NDUFA10: variants seen among roughly 807,000 people sequenced by gnomAD.
NDUFA10 encodes the protein NADH:ubiquinone oxidoreductase subunit A10.
In NDUFA10, 40 loss-of-function variants were observed where a neutral mutation model predicts 47.8. The ratio of observed to expected loss-of-function variants is 0.84; its 90% CI spans 0.65 to 1.09. The LOEUF is 1.09. NDUFA10 is among the 50% of genes least tolerant of loss of function. The pLI is 0.00. For synonymous variants in NDUFA10, 183 were observed against 172.2 expected (o/e 1.06, Z -0.49); for missense variants, 413 against 451.1 (o/e 0.92, Z 0.76).
At chr2:239,949,938 T>A (rs1694523692) in intron 4 of NDUFA10, among the ~76,000 whole-genome samples, 1 of 152,158 alleles carries the variant, frequency 6.6e-6, no homozygotes, top group African/African-American at 2.4e-5. Flanking sequence ...TGGGTCCTGG[T>A]CTCAGGAGAG....
intron 8 of NDUFA10, among the ~76,000 whole-genome samples, chr2:239,994,998 G>A (rs1210999836): frequency 1.3e-5 from 2 of 152,182 alleles, no homozygotes; most frequent in Admixed American, 1.3e-4. Context: ...GAAGAGGCCG[G>A]GTGCGGCGAC....
In NDUFA10 at chr2:240,025,314, A is replaced by T; in HGVS notation, c.-13T>A. The T allele has an allele frequency of 6.7e-7, 1 of 1,498,890 alleles. No individual in the cohort carries two copies. The highest frequency in any genetic ancestry group is 2.2e-5 in the Admixed American group (1 of 44,648). 92.8% of individuals were successfully genotyped at this position (1,498,890 alleles called of 1,614,324 possible). A position where few individuals can be genotyped will look rare whatever the true frequency, so the allele number is the denominator to read the frequency against. On this transcript the variant is annotated 5_prime_UTR_variant, in exon 1 of 10. Transcript: ENST00000252711. ...GCCGCAAGGCCATGGCTACCCGGTC[A>T]GCTCAGGATCAAGGACCCAAGGGGA...
chr2:239,931,936 C>T (rs1056813467), intron 4 of NDUFA10, among the ~76,000 whole-genome samples: 41 of 147,596 alleles, frequency 2.8e-4, no homozygotes, highest in African/African-American at 8.3e-4. Flanking sequence ...CCCGGGTTCA[C>T]GCCATTCTCC....
intron 5 of NDUFA10, among the ~76,000 whole-genome samples, chr2:239,893,546 C>T (rs1359843573): frequency 3.3e-5 from 5 of 152,186 alleles, no homozygotes; most frequent in African/African-American, 7.2e-5. Context: ...GGCTGATCTC[C>T]GCAGCCCTAT....
At chr2:239,996,187 C>T (rs1025210837) in intron 8 of NDUFA10, among the ~76,000 whole-genome samples, 2 of 152,162 alleles carry the variant, frequency 1.3e-5, no homozygotes, top group African/African-American at 2.4e-5. Context: ...TGAATACCAC[C>T]GTCAATCGGC....
At chr2:239,942,257 C>G (rs756642586) in intron 4 of NDUFA10, among the ~76,000 whole-genome samples, 1 of 152,240 alleles carries the variant, frequency 6.6e-6, no homozygotes, top group Non-Finnish European at 1.5e-5. Flanking sequence ...CGGTAGTGTG[C>G]GCTGCAATCA....
Position 239,898,960 on chromosome 2 carries a change from GC to G in NDUFA10, c.295-3647del, listed in dbSNP as rs1559259162. ...TGACGGAGGGGTGTGGAGGGGTGTG[GC>G]AGGGTGTGATGAAGAGGTATGATGG... On this transcript the variant is annotated intron_variant, in intron 4 of 5. Coordinates refer to the NDUFA10 transcript ENST00000419408. 1.2e-4 allele frequency among the ~76,000 whole-genome samples: 13 copies of G among 111,068 alleles called. 1 individual carries two copies. The highest frequency in any genetic ancestry group is 1.7e-4 in the Non-Finnish European group (8 of 45,962). The allele number at this position is 111,068 out of a possible 152,430, so 72.9% of individuals were successfully genotyped here.
At chr2:239,921,889 C>T (rs991152803) in intron 4 of NDUFA10, among the ~76,000 whole-genome samples, 2 of 151,612 alleles carry the variant, frequency 1.3e-5, no homozygotes, top group Non-Finnish European at 1.5e-5. Flanking sequence ...TCCCTCCTTC[C>T]CTCTCTCCTT....
At chr2:240,020,683 C>T (rs547230682) in intron 3 of NDUFA10, among the ~76,000 whole-genome samples, 1 of 152,322 alleles carries the variant, frequency 6.6e-6, no homozygotes, top group African/African-American at 2.4e-5. Flanking sequence ...TCCCCTACTG[C>T]ACTGGCCTAT....
intron 8 of NDUFA10, among the ~76,000 whole-genome samples, chr2:239,992,907 C>T (rs948477680): frequency 6.6e-6 from 1 of 152,108 alleles, no homozygotes. Context: ...CACTGGTAAG[C>T]GGCATGTTTA....
chr2:240,018,327 T>C (rs1217006211), intron 4 of NDUFA10: 9 of 1,342,328 alleles, frequency 6.7e-6, no homozygotes, highest in East Asian at 2.5e-5. Flanking sequence ...GGCTCCAATC[T>C]GCTTTCACAG....
At chr2:239,895,071 G>A in intron 5 of NDUFA10, 1 of 230,012 alleles carries the variant, frequency 4.3e-6, no homozygotes. Context: ...CCGGGCACTG[G>A]CTTTCAGTGC....
chr2:239,997,022 T>C (rs1170255155), intron 8 of NDUFA10, among the ~76,000 whole-genome samples: 1 of 152,130 alleles, frequency 6.6e-6, no homozygotes, highest in Non-Finnish European at 1.5e-5. Flanking sequence ...TAAATAGTTG[T>C]TATACTGTAT....
intron 5 of NDUFA10, among the ~76,000 whole-genome samples, chr2:239,893,638 C>A (rs370474414): frequency 6.6e-6 from 1 of 152,242 alleles, no homozygotes; most frequent in East Asian, 1.9e-4. Flanking sequence ...CTGCTCAAGC[C>A]CTTCCATAAG....
intron 4 of NDUFA10, among the ~76,000 whole-genome samples, chr2:239,932,935 T>C (rs1471951274): frequency 1.3e-5 from 2 of 152,156 alleles, no homozygotes; most frequent in Non-Finnish European, 2.9e-5. Flanking sequence ...AAACCATTTT[T>C]AAGAGCCTAC....
At chr2:239,948,637 A>G (rs1192230339) in intron 4 of NDUFA10, among the ~76,000 whole-genome samples, 2 of 152,248 alleles carry the variant, frequency 1.3e-5, no homozygotes, top group South Asian at 2.1e-4. Flanking sequence ...TCCTGACTCG[A>G]GCCTCCAGCG....
intron 3 of NDUFA10, among the ~76,000 whole-genome samples, chr2:240,020,425 A>C (rs1299370537): frequency 1.3e-5 from 2 of 152,190 alleles, no homozygotes. Context: ...GCTTTGACCA[A>C]AAATTGGCAG....
At chr2:239,918,370 T>G (rs1693913191) in intron 4 of NDUFA10, among the ~76,000 whole-genome samples, 1 of 152,190 alleles carries the variant, frequency 6.6e-6, no homozygotes, top group Non-Finnish European at 1.5e-5. Context: ...AGCCCACCCT[T>G]GCAGGAGCCT....
chr2:239,929,127 G>A (rs1271374024), intron 4 of NDUFA10, among the ~76,000 whole-genome samples: 1 of 152,188 alleles, frequency 6.6e-6, no homozygotes, highest in African/African-American at 2.4e-5. Context: ...TAACAAGATC[G>A]CCACCCGGCG....
Sources: allele counts gnomAD v4.1 joint callset (sites outside exome capture counted in the v4.1 genomes callset), GRCh38; gene constraint gnomAD v4.1.1; transcripts MANE v1.5; gene names NCBI Gene and HGNC (gene_info 2026-07-23, HGNC 2026-07-21).